Variants in DAB1 observed in about 807,000 individuals in gnomAD.
DAB1 encodes DAB adaptor protein 1, also known as disabled homolog 1.
In DAB1, 15 loss-of-function variants were observed where a neutral mutation model predicts 64.6. That is an observed-to-expected ratio of 0.23 (90% CI 0.16 to 0.36). DAB1 has a LOEUF of 0.36. DAB1 is among the 10% of genes least tolerant of loss of function. The probability of loss-of-function intolerance (pLI) is 1.00; values close to 1 mark genes in which losing one functional copy is unlikely to be tolerated. For missense variants in DAB1, 596 were observed against 706.7 expected (o/e 0.84, Z 1.78); for synonymous variants, 235 against 251.9 (o/e 0.93, Z 0.64).
chr1:57,344,177 A>C (rs1176053624), intron 1 of DAB1, among the ~76,000 whole-genome samples: 2 of 152,232 alleles, frequency 1.3e-5, no homozygotes, highest in African/African-American at 4.8e-5. Flanking sequence ...TACAAACCCA[A>C]GATGATCAGA....
At chr1:58,149,543 C>T (rs12565486) in intron 5 of DAB1, among the ~76,000 whole-genome samples, 28,121 of 152,058 alleles carry the variant, frequency 0.18, 2,789 homozygotes, top group East Asian at 0.37. Flanking sequence ...TACAGGGCTT[C>T]GGATCCCAAA....
At chr1:57,089,523 G>C (rs1653433038) in intron 4 of DAB1, among the ~76,000 whole-genome samples, 1 of 151,954 alleles carries the variant, frequency 6.6e-6, no homozygotes, top group African/African-American at 2.4e-5. Flanking sequence ...GGTGAAGCAG[G>C]ACCAGGCATA....
intron 6 of DAB1, among the ~76,000 whole-genome samples, chr1:57,786,532 A>G (rs1650346972): frequency 6.6e-6 from 1 of 152,224 alleles, no homozygotes; most frequent in Non-Finnish European, 1.5e-5. Context: ...ATAGCTAGTA[A>G]TAAATAATAA....
At chr1:57,358,587 C>T (rs1366577301) in intron 1 of DAB1, among the ~76,000 whole-genome samples, 2 of 151,536 alleles carry the variant, frequency 1.3e-5, no homozygotes, top group African/African-American at 4.8e-5. Context: ...TCAATGTAAC[C>T]CTTACTGGAA....
chr1:58,413,754 G>A (rs1235730704), intron 3 of DAB1, among the ~76,000 whole-genome samples: 1 of 152,126 alleles, frequency 6.6e-6, no homozygotes, highest in African/African-American at 2.4e-5. Flanking sequence ...GAAGCTAAAT[G>A]GAATGGAAAC....
intron 2 of DAB1, among the ~76,000 whole-genome samples, chr1:58,519,792 A>G (rs558103287): frequency 3.2e-4 from 49 of 152,298 alleles, no homozygotes; most frequent in African/African-American, 1.1e-3. Context: ...ACAAAGAAAC[A>G]TATGACAAAA....
At chr1:58,291,129 C>T (rs994768225) in intron 4 of DAB1, among the ~76,000 whole-genome samples, 44 of 152,294 alleles carry the variant, frequency 2.9e-4, no homozygotes, top group African/African-American at 1.0e-3. Flanking sequence ...ATGTCCTCGA[C>T]ATCGTAATAC....
intron 9 of DAB1, among the ~76,000 whole-genome samples, chr1:57,057,643 T>C (rs963902088): frequency 4.0e-5 from 6 of 150,778 alleles, no homozygotes; most frequent in Non-Finnish European, 7.4e-5. Context: ...AGTCTCGTTC[T>C]GTTGCCCAGG....
At chr1:58,391,767 T>A (rs1487557748) in intron 3 of DAB1, among the ~76,000 whole-genome samples, 1 of 152,184 alleles carries the variant, frequency 6.6e-6, no homozygotes, top group Non-Finnish European at 1.5e-5. Context: ...GCACCCACTC[T>A]TAGTGTCGTC....
chr1:57,448,271 A>G (rs1686224075), intron 7 of DAB1, among the ~76,000 whole-genome samples: 1 of 152,246 alleles, frequency 6.6e-6, no homozygotes, highest in South Asian at 2.1e-4. Context: ...GAAGTATTAT[A>G]AGTGCTCAGT....
chr1:57,688,596 C>A (rs1408507907), intron 6 of DAB1, among the ~76,000 whole-genome samples: 1 of 151,994 alleles, frequency 6.6e-6, no homozygotes, highest in Non-Finnish European at 1.5e-5. Context: ...GATCATTATA[C>A]CAAAAAGACA....
intron 4 of DAB1, among the ~76,000 whole-genome samples, chr1:58,218,991 C>T (rs888520028): frequency 3.0e-5 from 3 of 98,448 alleles, no homozygotes; most frequent in Admixed American, 1.0e-4. Context: ...TCTGGCCATT[C>T]TCTCTCTCTC....
intron 3 of DAB1, among the ~76,000 whole-genome samples, chr1:58,410,717 C>G (rs1199935835): frequency 6.6e-6 from 1 of 152,124 alleles, no homozygotes; most frequent in East Asian, 1.9e-4. Context: ...TCTATTCCTG[C>G]GCTTAGAAGT....
intron 2 of DAB1, among the ~76,000 whole-genome samples, chr1:58,520,865 A>G (rs1211483330): frequency 6.6e-6 from 1 of 152,308 alleles, no homozygotes; most frequent in East Asian, 1.9e-4. Context: ...ATAATGAAAT[A>G]TTACCAAACC....
chr1:58,008,696 T>C (rs1646623713), intron 5 of DAB1, among the ~76,000 whole-genome samples: 1 of 152,148 alleles, frequency 6.6e-6, no homozygotes, highest in African/African-American at 2.4e-5. Flanking sequence ...TGTAAGAAAA[T>C]TGATTCCATC....
At chr1:58,160,076 C>G (rs1655444433) in intron 4 of DAB1, among the ~76,000 whole-genome samples, 1 of 152,062 alleles carries the variant, frequency 6.6e-6, no homozygotes, top group South Asian at 2.1e-4. Flanking sequence ...TATATTGCCA[C>G]CTGCAGCCTC....
intron 4 of DAB1, among the ~76,000 whole-genome samples, chr1:58,329,772 C>A (rs1662927107): frequency 6.6e-6 from 1 of 152,098 alleles, no homozygotes; most frequent in Non-Finnish European, 1.5e-5. Context: ...GTTACTATTG[C>A]AACTGTTTTG....
At chr1:57,260,114 G>C (rs1386931646) in intron 2 of DAB1, among the ~76,000 whole-genome samples, 2 of 152,130 alleles carry the variant, frequency 1.3e-5, no homozygotes, top group Non-Finnish European at 2.9e-5. Flanking sequence ...CGCTAGTGTA[G>C]AGATTTAGCA....
chr1:57,250,805 T>A lies in DAB1; in HGVS notation c.67+40159A>T, dbSNP rs1252813467. On this transcript the variant is annotated intron_variant, in intron 2 of 14. Coordinates refer to ENST00000371236, the MANE Select transcript of DAB1 (RefSeq NM_001365792.1). ...TACTAAATCCTTTATATTCATATTA[T>A]CATGTCATCTTTTCAGAGGGGCTAC... Among the ~76,000 whole-genome samples, 4 of 152,228 alleles carry A rather than the reference T, an allele frequency of 2.6e-5. No individual in the cohort carries two copies. The South Asian group carries it at 8.3e-4, about 32-fold the overall frequency.
Sources: gnomAD v4.1 joint callset for allele counts (sites outside exome capture counted in the v4.1 genomes callset) on GRCh38, gnomAD v4.1.1 for gene constraint, MANE v1.5 for transcripts, NCBI Gene and HGNC (gene_info 2026-07-23, HGNC 2026-07-21) for gene names.